Variants in REELD1 observed in about 807,000 individuals in gnomAD.
REELD1 encodes the protein reelin domain-containing protein 1.
In REELD1, 12 loss-of-function variants were observed where a neutral mutation model predicts 6.3. The ratio of observed to expected loss-of-function variants is 1.89; its 90% CI spans 1.21 to 3.07. The LOEUF (loss-of-function observed/expected upper bound fraction) is 3.07. REELD1 is among the 30% of genes most tolerant of loss of function. The pLI is 0.00. For synonymous variants in REELD1, 57 were observed against 33.6 expected (o/e 1.70, Z -2.42); for missense variants, 163 against 86.8 (o/e 1.88, Z -3.49).
In REELD1 at chr4:146,222,551, GC is replaced by G; in HGVS notation, c.406del (p.Gln136SerfsTer12). 1 of 398,622 alleles carries G rather than the reference GC, an allele frequency of 2.5e-6. No individual in the cohort carries two copies. The highest frequency in any genetic ancestry group is 4.4e-6 in the Non-Finnish European group (1 of 226,094). The allele number at this position is 398,622 out of a possible 1,614,324, so 24.7% of individuals were successfully genotyped here. A position where few individuals can be genotyped will look rare whatever the true frequency, so the allele number is the denominator to read the frequency against. On this transcript the variant is annotated frameshift_variant, in exon 4 of 8. Coordinates refer to ENST00000623665, the MANE Select transcript of REELD1 (RefSeq NM_001354631.1). LOFTEE classifies it high-confidence loss of function. ...CCTGTCATTCGTGTGGAAGGCCCCA[GC>G]CCAGCCTGTGGGGGACATTAAGTTC... ...RNLSFVWKAP[A>X]QPVGDIKFLL...
chr4:146,231,349 T>C lies in REELD1; in HGVS notation c.*836T>C, dbSNP rs1386644239. 1.3e-5 allele frequency among the ~76,000 whole-genome samples: 2 copies of C among 152,208 alleles called. No individual in the cohort carries two copies. Among genetic ancestry groups the C allele is most frequent in the Non-Finnish European group, 1.5e-5 (1 of 68,042 alleles). ...GCTGAAAAACATTATTATACCAGCA[T>C]AGTTTGAAGAACAGTCTTTACTTGT... is the stretch of plus-strand genomic sequence containing the variant. On this transcript the variant is annotated 3_prime_UTR_variant, in exon 8 of 8. Transcript: ENST00000623665.
chr4:146,230,388 G>C lies in REELD1; in HGVS notation c.1456G>C (p.Val486Leu), dbSNP rs995537976. Residue 486 changes from valine to leucine, a missense_variant, in exon 8 of 8, where the codon GTT becomes CTT. Physicochemically the swap from Val to Leu is conservative, Grantham distance 32. Transcript: ENST00000623665. ...VSFSEPASDA[V>L]ARSNSGETVH... ...TTTCAGTGAGCCCGCTTCGGATGCT[G>C]TTGCCAGGAGCAACAGTGGTGAGAC... 2.5e-6 allele frequency: 1 copy of C among 398,798 alleles called. No homozygotes were observed. Among genetic ancestry groups the C allele is most frequent in the Non-Finnish European group, 4.4e-6 (1 of 226,174 alleles). The allele number at this position is 398,798 out of a possible 1,614,324, so 24.7% of individuals were successfully genotyped here. A position where few individuals can be genotyped will look rare whatever the true frequency, so the allele number is the denominator to read the frequency against.
chr4:146,217,040 A>G lies in REELD1; in HGVS notation c.88A>G (p.Thr30Ala), dbSNP rs1162772250. Residue 30 changes from threonine (T) to alanine (A), a missense_variant, in exon 3 of 8, where the codon ACG becomes GCG. By Grantham distance (58) the Thr-to-Ala change is moderately conservative. Transcript: ENST00000623665. The stretch of plus-strand genomic sequence containing the variant: ...ATCTGCCTTTTCCCATGGTGCCAGC[A>G]CGGTGGCCTGTGATGACATGCAGCC... The part of the protein sequence containing the change: ...CSSAFSHGAS[T>A]VACDDMQPKH... 1 of 398,932 alleles carries G rather than the reference A, an allele frequency of 2.5e-6. No homozygotes were observed. The highest frequency in any genetic ancestry group is 4.4e-6 in the Non-Finnish European group (1 of 226,334). 24.7% of individuals were successfully genotyped at this position (398,932 alleles called of 1,614,324 possible).
chr4:146,214,616 T>C lies in REELD1; in HGVS notation c.-213T>C, dbSNP rs1384556710. On this transcript the variant is annotated 5_prime_UTR_variant, in exon 1 of 8. Transcript: ENST00000623665. Reference sequence around the variant, plus strand: ...AGGAAAAACTGAAAGGAGAAGAAAATACTTATGTTTAAGGGATGTGTTTGC... The same window carrying C: ...AGGAAAAACTGAAAGGAGAAGAAAACACTTATGTTTAAGGGATGTGTTTGC... The C allele has an allele frequency of 1.3e-5, 2 of 152,156 alleles. No homozygotes were observed. Among genetic ancestry groups the C allele is most frequent in the Non-Finnish European group, 2.9e-5 (2 of 68,048 alleles). The allele number at this position is 152,156 out of a possible 1,614,324, so 9.4% of individuals were successfully genotyped here. A position where few individuals can be genotyped will look rare whatever the true frequency, so the allele number is the denominator to read the frequency against.
In REELD1 at chr4:146,215,752, C is replaced by CT. The variant is rs3029291; in HGVS notation, c.-12+570dup. On this transcript the variant is annotated intron_variant, in intron 2 of 7. Transcript: ENST00000623665. ...CAGGACTATAAAAAAAAAAACAGAACTTTTTTTTTTTTTTTTGAGATAGAG... is the reference window on the plus strand; with the variant it reads ...CAGGACTATAAAAAAAAAAACAGAACTTTTTTTTTTTTTTTTTGAGATAGAG... Among the ~76,000 whole-genome samples, 372 of 122,760 alleles carry CT rather than the reference C, an allele frequency of 3.0e-3. 1 individual carries two copies. Among genetic ancestry groups the CT allele is most frequent in the African/African-American group, 7.1e-3 (228 of 32,144 alleles). 80.5% of individuals were successfully genotyped at this position (122,760 alleles called of 152,430 possible).
chr4:146,228,142 T>A (rs1159828795), intron 5 of REELD1, 68 bp from the exon 6 acceptor site: 7 of 657,102 alleles, frequency 1.1e-5, no homozygotes. Flanking sequence ...TGATCATAGC[T>A]GTTTGTAACA....
At chr4:146,219,341 T>C (rs1353508338) in intron 3 of REELD1, among the ~76,000 whole-genome samples, 1 of 152,184 alleles carries the variant, frequency 6.6e-6, no homozygotes, top group Non-Finnish European at 1.5e-5. Context: ...ATGGATTCAA[T>C]GAGAGTCAGT....
intron 5 of REELD1, 124 bp downstream of exon 5, chr4:146,224,732 G>C (rs775200660): frequency 4.7e-6 from 3 of 635,182 alleles, no homozygotes; most frequent in Non-Finnish European, 8.6e-6. Flanking sequence ...AACACCTGCC[G>C]TGGCCAACTG....
chr4:146,228,500 T>C lies in REELD1; in HGVS notation c.886T>C (p.Ser296Pro), dbSNP rs574177091. 2.8e-6 allele frequency: 2 copies of C among 702,320 alleles called. No individual in the cohort carries two copies. Among genetic ancestry groups the C allele is most frequent in the East Asian group, 5.4e-5 (2 of 37,272 alleles). The allele number at this position is 702,320 out of a possible 1,614,324, so 43.5% of individuals were successfully genotyped here. A position where few individuals can be genotyped will look rare whatever the true frequency, so the allele number is the denominator to read the frequency against. ...LKRVSSESFA[S>P]SLSTHHRTQD... ...GAGAGTCTCCTCAGAGAGCTTTGCTTCCAGCCTTAGCACCCATCACAGGTA... is the reference window on the plus strand; with the variant it reads ...GAGAGTCTCCTCAGAGAGCTTTGCTCCCAGCCTTAGCACCCATCACAGGTA... The change falls in exon 6 of 8, where the codon TCC (serine) becomes CCC (proline). Residue 296 changes from serine (S) to proline (P), a missense_variant. Ser to Pro is a moderately conservative substitution (Grantham distance 74, BLOSUM62 -1). Transcript: ENST00000623665.
At chr4:146,216,625 A>C (rs1437070417) in intron 2 of REELD1, among the ~76,000 whole-genome samples, 3 of 152,240 alleles carry the variant, frequency 2.0e-5, no homozygotes, top group African/African-American at 7.2e-5. Flanking sequence ...GCTAGGATAC[A>C]AACATTTTCT....
At chr4:146,228,790 TAAC>T (rs1201363506) in intron 6 of REELD1, among the ~76,000 whole-genome samples, 2 of 152,056 alleles carry the variant, frequency 1.3e-5, no homozygotes, top group South Asian at 2.1e-4. Flanking sequence ...ATATTTATAA[TAAC>T]AACATAGAAA....
Position 146,224,440 on chromosome 4 carries a change from C to T in REELD1, c.432-5C>T, listed in dbSNP as rs1730983960. 3.3e-6 allele frequency: 2 copies of T among 614,918 alleles called. No homozygotes were observed. The highest frequency in any genetic ancestry group is 3.9e-5 in the South Asian group (2 of 51,382). The allele number at this position is 614,918 out of a possible 1,614,324, so 38.1% of individuals were successfully genotyped here. A position where few individuals can be genotyped will look rare whatever the true frequency, so the allele number is the denominator to read the frequency against. On this transcript the variant is annotated splice_region_variant and splice_polypyrimidine_tract_variant and intron_variant, in intron 4 of 7. Transcript: ENST00000623665. ...TGAACTGCTCTGCTCTTTCTCTTTCCCCAGTTTATCAGTAGTCCAGTCATA... is the reference window on the plus strand; with the variant it reads ...TGAACTGCTCTGCTCTTTCTCTTTCTCCAGTTTATCAGTAGTCCAGTCATA...
At chr4:146,227,467 C>G (rs1731045245) in intron 5 of REELD1, among the ~76,000 whole-genome samples, 1 of 152,214 alleles carries the variant, frequency 6.6e-6, no homozygotes, top group South Asian at 2.1e-4. Flanking sequence ...TGCCTGTGTA[C>G]CTGTGTGCCA....
intron 1 of REELD1, 113 bp downstream of exon 1, chr4:146,214,807 G>A (rs1051567064): frequency 2.0e-5 from 3 of 151,940 alleles, no homozygotes; most frequent in African/African-American, 7.3e-5. Context: ...GCCTCCCAAA[G>A]TGCTGGGATT....
intron 7 of REELD1, among the ~76,000 whole-genome samples, 153 bp downstream of exon 7, chr4:146,229,241 C>G (rs979843138): frequency 6.6e-6 from 1 of 152,220 alleles, no homozygotes; most frequent in Non-Finnish European, 1.5e-5. Context: ...TTCTACTAAT[C>G]AATACCTTTC....
At chr4:146,222,316 A>T (rs901365917) in intron 3 of REELD1, 41 bp from the exon 4 acceptor site, 1 of 398,456 alleles carries the variant, frequency 2.5e-6, no homozygotes, top group Admixed American at 4.4e-5. Context: ...ACACGGAACT[A>T]AGTCACACGT....
At chr4:146,223,924 CATA>C (rs1222353626) in intron 4 of REELD1, among the ~76,000 whole-genome samples, 4 of 152,210 alleles carry the variant, frequency 2.6e-5, no homozygotes, top group African/African-American at 9.7e-5. Context: ...GAACAAATGG[CATA>C]ATGTTTGTGA....
rs759268234 is a variant in REELD1, at chr4:146,224,612, C to T, written c.595+4C>T. On this transcript the variant is annotated splice_donor_region_variant and intron_variant, in intron 5 of 7. Transcript: ENST00000623665. Reference sequence around the variant, plus strand: ...GATGTTGAAGGAGCTGCTCCAGGTACAGCTTGTCATTGTATTTGCCAGGCT... The same window carrying T: ...GATGTTGAAGGAGCTGCTCCAGGTATAGCTTGTCATTGTATTTGCCAGGCT... 95 of 701,834 alleles carry T rather than the reference C, an allele frequency of 1.4e-4. No individual in the cohort carries two copies. Among genetic ancestry groups the T allele is most frequent in the Non-Finnish European group, 2.3e-4 (90 of 384,810 alleles). 43.5% of individuals were successfully genotyped at this position (701,834 alleles called of 1,614,324 possible). A position where few individuals can be genotyped will look rare whatever the true frequency, so the allele number is the denominator to read the frequency against.
At chr4:146,221,424 T>C (rs1357618128) in intron 3 of REELD1, among the ~76,000 whole-genome samples, 2 of 152,230 alleles carry the variant, frequency 1.3e-5, no homozygotes, top group Non-Finnish European at 2.9e-5. Context: ...CCACAAAAAG[T>C]TGGATGGTTT....
Sources: allele counts gnomAD v4.1 joint callset (sites outside exome capture counted in the v4.1 genomes callset), GRCh38; gene constraint gnomAD v4.1.1; transcripts MANE v1.5; gene names NCBI Gene and HGNC (gene_info 2026-07-23, HGNC 2026-07-21).